AFAP1L2: variants seen among roughly 807,000 people sequenced by gnomAD.
AFAP1L2 encodes actin filament-associated protein 1-like 2.
A neutral mutation model predicts 99.3 loss-of-function variants in AFAP1L2; 46 were observed. The observed-to-expected ratio is 0.46, with a 90% CI of 0.37 to 0.59. AFAP1L2 has a LOEUF of 0.59. AFAP1L2 is among the 20% of genes least tolerant of loss of function. The pLI is 0.00. For synonymous variants in AFAP1L2, 397 were observed against 419.1 expected, an observed-to-expected ratio of 0.95 and a Z score of 0.64; for missense variants, 959 against 1,034.9, an observed-to-expected ratio of 0.93 and a Z score of 1.01.
At chr10:114,352,876 C>T (rs942471935) in intron 1 of AFAP1L2, among the ~76,000 whole-genome samples, 5 of 152,250 alleles carry the variant, frequency 3.3e-5, no homozygotes, top group African/African-American at 1.2e-4. Flanking sequence ...ATCAACATTG[C>T]CCTAGAAGGA....
At chr10:114,404,530 G>A, upstream of AFAP1L2, 1 of 1,475,772 alleles carries the variant, frequency 6.8e-7, no homozygotes, top group African/African-American at 1.5e-5. Flanking sequence ...CGCCCAGGCC[G>A]CCGCGCTGGC....
chr10:114,331,897 G>T lies in AFAP1L2; in HGVS notation c.221C>A (p.Ala74Glu), dbSNP rs1032065842. The T allele has an allele frequency of 4.6e-6, 6 of 1,300,052 alleles. No homozygotes were observed. The highest frequency in any genetic ancestry group is 4.9e-6 in the Non-Finnish European group (5 of 1,014,972). The allele number at this position is 1,300,052 out of a possible 1,614,324, so 80.5% of individuals were successfully genotyped here. The change falls in exon 4 of 19, where the codon GCG becomes GAG. Residue 74 changes from alanine (A) to glutamate (E), a missense_variant and splice_region_variant. Physicochemically the swap from Ala to Glu is moderately radical, Grantham distance 107. Coordinates refer to ENST00000304129, the MANE Select transcript of AFAP1L2 (RefSeq NM_001001936.3). ...KQQNAESQGKAPEEQGLLPNG... is the reference protein window; with the variant it reads ...KQQNAESQGKEPEEQGLLPNG... The stretch of plus-strand genomic sequence containing the variant: ...GGGTAGCAGGCCCTGCTCCTCAGGC[G>T]CTGCGGGCAGCAAAAGGAAAAGGCT...
chr10:114,315,763 C>T lies in AFAP1L2; in HGVS notation c.409G>A (p.Asp137Asn), dbSNP rs1335360157. ...AEPYDTSLNE[D>N]GEAVSSSYES... ...TAGGAGCTGCTCACAGCCTCTCCGTCCTCTGCAAGGAAGACCAGCTCGGTC... is the reference window on the plus strand; with the variant it reads ...TAGGAGCTGCTCACAGCCTCTCCGTTCTCTGCAAGGAAGACCAGCTCGGTC... The change falls in exon 6 of 19, where the codon GAC (aspartate) becomes AAC (asparagine). Residue 137 changes from aspartate to asparagine, a missense_variant and splice_region_variant. By Grantham distance (23) the Asp-to-Asn change is conservative. Coordinates refer to ENST00000304129, the MANE Select transcript of AFAP1L2 (RefSeq NM_001001936.3). 1.2e-6 allele frequency: 2 copies of T among 1,610,868 alleles called. No individual in the cohort carries two copies. Among genetic ancestry groups the T allele is most frequent in the Admixed American group, 1.7e-5 (1 of 59,796 alleles).
intron 4 of AFAP1L2, among the ~76,000 whole-genome samples, chr10:114,327,958 G>A (rs976718358): frequency 6.6e-6 from 1 of 152,236 alleles, no homozygotes; most frequent in African/African-American, 2.4e-5. Flanking sequence ...TCCTTTTAGG[G>A]ATTAAGTGGT....
the AFAP1L2 span, chr10:114,281,796 G>A: frequency 2.0e-5 from 19 of 970,514 alleles, no homozygotes; most frequent in Non-Finnish European, 2.2e-5. Context: ...GTTGAAAAGT[G>A]AAGATAGAAT....
chr10:114,362,001 A>G (rs558241081), intron 1 of AFAP1L2, among the ~76,000 whole-genome samples: 138 of 152,262 alleles, frequency 9.1e-4, no homozygotes, highest in Non-Finnish European at 1.6e-3. Flanking sequence ...TTTCTTTCTT[A>G]TGATAAAGGG....
intron 4 of AFAP1L2, among the ~76,000 whole-genome samples, chr10:114,330,418 C>G (rs896062261): frequency 2.6e-5 from 4 of 152,184 alleles, no homozygotes; most frequent in Non-Finnish European, 4.4e-5. Context: ...CCATGCCCTA[C>G]AGAGGAAAGA....
At chr10:114,393,755 A>G (rs902244993) in intron 1 of AFAP1L2, among the ~76,000 whole-genome samples, 1 of 152,186 alleles carries the variant, frequency 6.6e-6, no homozygotes, top group Non-Finnish European at 1.5e-5. Context: ...TAACTCTTGG[A>G]GATTTGCTGC....
intron 1 of AFAP1L2, among the ~76,000 whole-genome samples, chr10:114,398,577 GT>G (rs1418791971): frequency 6.6e-6 from 1 of 152,248 alleles, no homozygotes; most frequent in Non-Finnish European, 1.5e-5. Flanking sequence ...ATTCCACCAA[GT>G]GGCCTGCAAG....
At chr10:114,371,702 C>T (rs2054129752) in intron 1 of AFAP1L2, among the ~76,000 whole-genome samples, 1 of 151,968 alleles carries the variant, frequency 6.6e-6, no homozygotes, top group Non-Finnish European at 1.5e-5. Context: ...GGAGAAATAC[C>T]TAATGCAGAT....
rs1467622587 is a variant in AFAP1L2 at position 114,300,367 on chromosome 10, G to A, written c.1789-5C>T. On this transcript the variant is annotated splice_region_variant and splice_polypyrimidine_tract_variant and intron_variant, in intron 14 of 18. Transcript: ENST00000304129. ...TGGCTCCAAACTCTCCAGCTGCTTT[G>A]GGGGAAAGCAGACCTGACTCAGCTG... 2.5e-6 allele frequency: 4 copies of A among 1,614,002 alleles called. No homozygotes were observed. Among genetic ancestry groups the A allele is most frequent in the Admixed American group, 3.3e-5 (2 of 60,004 alleles).
At chr10:114,289,235 C>A in the AFAP1L2 span, 2 of 1,613,964 alleles carry the variant, frequency 1.2e-6, no homozygotes, top group African/African-American at 1.3e-5. Context: ...AAAGTGATGA[C>A]CGTCCAGAGG....
At chr10:114,392,865 T>C (rs1008715295) in intron 1 of AFAP1L2, among the ~76,000 whole-genome samples, 1 of 152,202 alleles carries the variant, frequency 6.6e-6, no homozygotes, top group African/African-American at 2.4e-5. Flanking sequence ...CTTTGCACTC[T>C]CACTTTCTCT....
rs751288289 is a variant in AFAP1L2, at chr10:114,315,546, T to G, written c.612+14A>C. On this transcript the variant is annotated intron_variant, in intron 6 of 18. Coordinates refer to ENST00000304129, the MANE Select transcript of AFAP1L2 (RefSeq NM_001001936.3). Reference sequence around the variant, plus strand: ...AGAGGAGTCGGGGGACAAGACGACGTAAGGCAGACTGACCAGAAGCCTGTT... The same window carrying G: ...AGAGGAGTCGGGGGACAAGACGACGGAAGGCAGACTGACCAGAAGCCTGTT... The G allele has an allele frequency of 1.2e-5, 20 of 1,613,556 alleles. No individual in the cohort carries two copies. Among genetic ancestry groups the G allele is most frequent in the Non-Finnish European group, 1.6e-5 (19 of 1,179,814 alleles).
rs374961198 is a variant in AFAP1L2, at chr10:114,388,861, T to G, written c.16+15579A>C. Among the ~76,000 whole-genome samples, 10 of 152,186 alleles carry G rather than the reference T, an allele frequency of 6.6e-5. No individual in the cohort carries two copies. In the South Asian group the frequency reaches 1.7e-3, roughly 25 times the overall value. ...TCAATATCCCAAGGGACCCAGAAAT[T>G]GGAAATGCAGGTTCAGAGACATGGG... On this transcript the variant is annotated intron_variant, in intron 1 of 18. Coordinates refer to ENST00000304129, the MANE Select transcript of AFAP1L2 (RefSeq NM_001001936.3).
intron 2 of AFAP1L2, among the ~76,000 whole-genome samples, chr10:114,334,722 G>A (rs1385611818): frequency 6.6e-6 from 1 of 152,216 alleles, no homozygotes; most frequent in South Asian, 2.1e-4. Flanking sequence ...GAGTGAACCG[G>A]AACTCACAGA....
chr10:114,303,318 T>C (rs2041555825), intron 11 of AFAP1L2, among the ~76,000 whole-genome samples: 1 of 152,174 alleles, frequency 6.6e-6, no homozygotes, highest in African/African-American at 2.4e-5. Flanking sequence ...CAGTTTTTTT[T>C]TATTTTAAAG....
At chr10:114,366,865 G>A (rs915872873) in intron 1 of AFAP1L2, among the ~76,000 whole-genome samples, 1 of 152,152 alleles carries the variant, frequency 6.6e-6, no homozygotes, top group Non-Finnish European at 1.5e-5. Context: ...CTACTCAGGG[G>A]GCTGAGGCAG....
At chr10:114,379,082 G>T (rs540212017) in intron 1 of AFAP1L2, among the ~76,000 whole-genome samples, 1 of 152,170 alleles carries the variant, frequency 6.6e-6, no homozygotes, top group East Asian at 1.9e-4. Flanking sequence ...GTATGGTGCT[G>T]GGTGCCCATA....
Sources: allele counts gnomAD v4.1 joint callset (sites outside exome capture counted in the v4.1 genomes callset), GRCh38; gene constraint gnomAD v4.1.1; transcripts MANE v1.5; gene names NCBI Gene and HGNC (gene_info 2026-07-23, HGNC 2026-07-21).